The following DENND4A variants were observed in gnomAD, a reference collection of about 807,000 sequenced individuals.
The protein encoded by DENND4A is DENN domain containing 4A, also known as C-myc promoter-binding protein.
DENND4A carries 70 observed loss-of-function variants against 199.3 expected under a neutral mutation model. The ratio of observed to expected loss-of-function variants is 0.35; its 90% CI spans 0.29 to 0.43. The LOEUF (loss-of-function observed/expected upper bound fraction) is 0.43. Among genes scored for constraint, DENND4A ranks in the 20% least tolerant of loss-of-function variants. The pLI is 1.00. For missense variants in DENND4A, 1,723 were observed against 2,255.8 expected, an observed-to-expected ratio of 0.76 and a Z score of 4.78; for synonymous variants, 686 against 766.9, an observed-to-expected ratio of 0.89 and a Z score of 1.74.
chr15:65,683,135 C>T (rs1218423677), intron 23 of DENND4A, among the ~76,000 whole-genome samples: 2 of 152,122 alleles, frequency 1.3e-5, no homozygotes, highest in African/African-American at 4.8e-5. Context: ...TTGCCACAAA[C>T]TTTCAATTTG....
chr15:65,716,429 T>C (rs2075404595), intron 13 of DENND4A, among the ~76,000 whole-genome samples: 1 of 125,312 alleles, frequency 8.0e-6, no homozygotes, highest in Non-Finnish European at 1.6e-5. Context: ...CAGAGTGTGA[T>C]GTTCCCCTTC....
chr15:65,686,487 T>C (rs2076786278), intron 23 of DENND4A, among the ~76,000 whole-genome samples: 1 of 152,194 alleles, frequency 6.6e-6, no homozygotes, highest in South Asian at 2.1e-4. Flanking sequence ...TTCTACCAAT[T>C]GTGTCATTGT....
intron 1 of DENND4A, among the ~76,000 whole-genome samples, chr15:65,763,617 AGT>A (rs904497418): frequency 4.7e-4 from 69 of 147,532 alleles, no homozygotes; most frequent in African/African-American, 1.7e-3. Flanking sequence ...TCGAGGCTGC[AGT>A]GAGCCTTGTT....
At chr15:65,763,586 G>T (rs1596641346) in intron 1 of DENND4A, among the ~76,000 whole-genome samples, 1 of 150,798 alleles carries the variant, frequency 6.6e-6, no homozygotes, top group African/African-American at 2.4e-5. Context: ...TGAGATGGGA[G>T]GATTGCTTGA....
rs375159116 is a variant in DENND4A at position 65,691,328 on chromosome 15, T to C, written c.3266A>G (p.Asn1089Ser). Reference sequence around the variant, plus strand: ...AGGGGTTGCTTCCTGGTTAATTCTATTGAGCATAAATCCCATCAGTACCCC... The same window carrying C: ...AGGGGTTGCTTCCTGGTTAATTCTACTGAGCATAAATCCCATCAGTACCCC... The part of the protein sequence containing the change: ...SGGVLMGFML[N>S]RINQEATPGD... The change falls in exon 23 of 33, where the codon AAT (asparagine) becomes AGT (serine). Residue 1089 changes from asparagine to serine, a missense_variant. This residue lies in a region of DENND4A where 650 missense variants were observed against 738.1 expected (regional missense o/e 0.88). Coordinates refer to ENST00000443035, the MANE Select transcript of DENND4A (RefSeq NM_001320835.1). 19 of 1,613,448 alleles carry C rather than the reference T, an allele frequency of 1.2e-5. No individual in the cohort carries two copies. Among genetic ancestry groups the C allele is most frequent in the East Asian group, 2.2e-5 (1 of 44,882 alleles).
intron 1 of DENND4A, among the ~76,000 whole-genome samples, chr15:65,775,341 G>T (rs2077255586): frequency 7.2e-6 from 1 of 139,568 alleles, no homozygotes; most frequent in African/African-American, 2.6e-5. Context: ...GCCACACCCT[G>T]CCTCAAAAAG....
intron 2 of DENND4A, among the ~76,000 whole-genome samples, chr15:65,758,395 C>T (rs1186499366): frequency 6.6e-6 from 1 of 152,136 alleles, no homozygotes. Context: ...CTCACTGCAG[C>T]CTTGACCACC....
chr15:65,748,255 G>A (rs920905262), intron 4 of DENND4A, among the ~76,000 whole-genome samples: 10 of 151,070 alleles, frequency 6.6e-5, no homozygotes, highest in Non-Finnish European at 1.5e-4. Flanking sequence ...TAGCTTTTGA[G>A]GAAAAATTTA....
At chr15:65,668,753 AAAGATTGCAGTGAGCC>A (rs2076125853) in intron 27 of DENND4A, among the ~76,000 whole-genome samples, 2 of 152,126 alleles carry the variant, frequency 1.3e-5, no homozygotes, top group South Asian at 4.1e-4. Context: ...CCTGGGAGGC[AAAGATTGCAGTGAGCC>A]AAGATTGCAC....
chr15:65,788,012 A>G (rs550033350), intron 1 of DENND4A, among the ~76,000 whole-genome samples: 43 of 152,308 alleles, frequency 2.8e-4, no homozygotes, highest in African/African-American at 1.0e-3. Flanking sequence ...GAGAGAAGCA[A>G]TGTTTAATGA....
intron 4 of DENND4A, among the ~76,000 whole-genome samples, chr15:65,746,369 CTTTTTTTTTTTTTTTTTTTTTTTT>C (rs573935476): frequency 2.9e-4 from 15 of 51,268 alleles, no homozygotes; most frequent in Non-Finnish European, 5.4e-4. Flanking sequence ...ACTTTTTTCT[CTTTTTTTTTTTTTTTTTTTTTTTT>C]TTTTTTTTTT....
chr15:65,673,888 TC>T (rs2076291571), intron 24 of DENND4A, among the ~76,000 whole-genome samples: 1 of 152,178 alleles, frequency 6.6e-6, no homozygotes, highest in Non-Finnish European at 1.5e-5. Context: ...ACCTTTTGTA[TC>T]TAACTAATCT....
At position 65,718,750 on chromosome 15, in the gene DENND4A, GTTTTTTTTCC is replaced by G. The variant is rs1163209522; in HGVS notation, c.1589-764_1589-755del. On this transcript the variant is annotated intron_variant, in intron 12 of 32. Coordinates refer to ENST00000443035, the MANE Select transcript of DENND4A (RefSeq NM_001320835.1). ...CCCCTTTCCCTCAAAAGTTTTGCAT[GTTTTTTTTCC>G]TTTTTTTTTTTTTTTTTTTTTTTTT... Among the ~76,000 whole-genome samples, 269 of 43,698 alleles carry G rather than the reference GTTTTTTTTCC, an allele frequency of 6.2e-3. 5 individuals are homozygous for G. Among genetic ancestry groups the G allele is most frequent in the African/African-American group, 0.018 (256 of 14,318 alleles). The allele number at this position is 43,698 out of a possible 152,430, so 28.7% of individuals were successfully genotyped here.
intron 23 of DENND4A, among the ~76,000 whole-genome samples, chr15:65,687,120 G>T (rs2076811819): frequency 6.6e-6 from 1 of 152,088 alleles, no homozygotes; most frequent in South Asian, 2.1e-4. Context: ...CCTGTTCTCT[G>T]TAAGACTATT....
chr15:65,788,460 G>C (rs892482821), intron 1 of DENND4A, among the ~76,000 whole-genome samples: 3 of 152,138 alleles, frequency 2.0e-5, no homozygotes, highest in African/African-American at 7.2e-5. Context: ...TTTTGGGTTA[G>C]TTTTGCTAAC....
chr15:65,756,778 G>GT (rs1477827348), intron 2 of DENND4A, among the ~76,000 whole-genome samples: 1 of 152,222 alleles, frequency 6.6e-6, no homozygotes, highest in Non-Finnish European at 1.5e-5. Flanking sequence ...GCTCACGCCT[G>GT]TAATCCCAGC....
At chr15:65,734,620 CAATTA>C (rs1388175620) in intron 7 of DENND4A, among the ~76,000 whole-genome samples, 2 of 152,078 alleles carry the variant, frequency 1.3e-5, no homozygotes, top group Non-Finnish European at 2.9e-5. Flanking sequence ...CCCACCCCTT[CAATTA>C]AAGTACTCAT....
intron 22 of DENND4A, among the ~76,000 whole-genome samples, chr15:65,694,423 T>TGG (rs946400037): frequency 1.3e-5 from 2 of 151,242 alleles, no homozygotes. Context: ...CACTCCAGCC[T>TGG]GGGCACCAGA....
At chr15:65,679,397 G>A (rs115892750) in intron 23 of DENND4A, among the ~76,000 whole-genome samples, 5,519 of 152,152 alleles carry the variant, frequency 0.036, 345 homozygotes, top group African/African-American at 0.13. Context: ...CACCACACCT[G>A]GCCCGATCCT....
Sources: gnomAD v4.1 joint callset for allele counts (sites outside exome capture counted in the v4.1 genomes callset) on GRCh38, gnomAD v4.1.1 for gene constraint, gnomAD v4.1.1 regional missense constraint, MANE v1.5 for transcripts, NCBI Gene and HGNC (gene_info 2026-07-23, HGNC 2026-07-21) for gene names.